Variants in DMPK observed in about 807,000 individuals in gnomAD.
DMPK encodes myotonin-protein kinase.
A neutral mutation model predicts 70.3 loss-of-function variants in DMPK; 32 were observed. The ratio of observed to expected loss-of-function variants is 0.46; its 90% CI spans 0.34 to 0.61. DMPK has a LOEUF of 0.61. DMPK is among the 20% of genes least tolerant of loss of function. The pLI, the probability that DMPK is intolerant of heterozygous loss-of-function variation, is 0.01. For synonymous variants in DMPK, 469 were observed against 390.9 expected (o/e 1.20, Z -2.36); for missense variants, 899 against 886.0 (o/e 1.01, Z -0.19).
rs1969841956 is a variant in DMPK, at chr19:45,777,555, G to C, written c.918C>G (p.Val306=). The change falls in exon 8 of 15, where the codon GTC becomes GTG. Residue 306 remains valine, a synonymous_variant. Transcript: ENST00000291270. This position sits in a 1 kb window ranked among gnomAD's most constrained non-coding sequence, Gnocchi z 6.7. ...HLSLPLVDEG[V]PEEARDFIQR... ...GAATGAAGTCTCGAGCCTCCTCAGG[G>C]ACCCCTTCGTCCACCAGCGGCAGAG... The C allele has an allele frequency of 6.2e-7, 1 of 1,613,666 alleles. No individual in the cohort carries two copies. Among genetic ancestry groups the C allele is most frequent in the African/African-American group, 1.3e-5 (1 of 75,052 alleles).
rs574906809 is a variant in DMPK, at chr19:45,771,986, G to C, written c.1345-58C>G. On this transcript the variant is annotated intron_variant, in intron 10 of 14. Transcript: ENST00000291270. ...TGGCTCCTGGAAGACTCAGGACTTGGGCACTGGTTCCAGGCTAGGAATCCT... is the reference window on the plus strand; with the variant it reads ...TGGCTCCTGGAAGACTCAGGACTTGCGCACTGGTTCCAGGCTAGGAATCCT... 3.0e-5 allele frequency: 44 copies of C among 1,490,722 alleles called. No homozygotes were observed. In the Admixed American group the frequency reaches 4.9e-4, roughly 17 times the overall value. The allele number at this position is 1,490,722 out of a possible 1,614,324, so 92.3% of individuals were successfully genotyped here.
At position 45,771,685 on chromosome 19, in the gene DMPK, G is replaced by T. The variant is rs144064078; in HGVS notation, c.1503-20C>A. 5.7e-4 allele frequency: 925 copies of T among 1,613,606 alleles called. 7 individuals carry two copies. The African/African-American group carries it at 0.011, about 20-fold the overall frequency. Reference sequence around the variant, plus strand: ...AGTTGACTGTGGGGAGGTAAGGACGGTGAGTCCGTCCGGGCCGGACGAGAG... The same window carrying T: ...AGTTGACTGTGGGGAGGTAAGGACGTTGAGTCCGTCCGGGCCGGACGAGAG... On this transcript the variant is annotated intron_variant, in intron 11 of 14. Coordinates refer to ENST00000291270, the MANE Select transcript of DMPK (RefSeq NM_004409.5).
rs775118554 is a variant in DMPK, at chr19:45,779,759, C to T, written c.252+19G>A. 7.8e-6 allele frequency: 12 copies of T among 1,543,492 alleles called. No homozygotes were observed. Among genetic ancestry groups the T allele is most frequent in the African/African-American group, 1.4e-5 (1 of 72,870 alleles). ...CGCCCACCACGAGTCAAGTCAGGCTCCCGCCCGGTTCGGCTTACCTCGCTG... is the reference window on the plus strand; with the variant it reads ...CGCCCACCACGAGTCAAGTCAGGCTTCCGCCCGGTTCGGCTTACCTCGCTG... On this transcript the variant is annotated intron_variant, in intron 2 of 14. Transcript: ENST00000291270.
rs770809944 is a variant in DMPK at position 45,770,603 on chromosome 19, A to C, written c.1775T>G (p.Leu592Arg). The C allele has an allele frequency of 3.5e-5, 55 of 1,552,792 alleles. No homozygotes were observed. Among genetic ancestry groups the C allele is most frequent in the Admixed American group, 2.0e-4 (10 of 51,182 alleles). The change falls in exon 15 of 15, where the codon CTC becomes CGC. Residue 592 changes from leucine (L) to arginine (R), a missense_variant. Transcript: ENST00000291270. ...RPGLSEALSL[L>R]LFAVVLSRAA... is the part of the protein sequence containing the mutation. ...ACGAGACAGAACAACGGCGAACAGG[A>C]GCAGGGAAAGCGCCTCCGATAGGCC... is the stretch of plus-strand genomic sequence containing the variant.
chr19:45,779,098 G>A (rs1969956972), intron 4 of DMPK, 166 bp downstream of exon 4: 1 of 686,478 alleles, frequency 1.5e-6, no homozygotes. Flanking sequence ...GTCTCAGATA[G>A]GGAAGGCCCC....
chr19:45,770,176 C>T lies in DMPK; in HGVS notation c.*312G>A. The T allele has an allele frequency of 2.5e-6, 2 of 787,270 alleles. No individual in the cohort carries two copies. The highest frequency in any genetic ancestry group is 2.9e-5 in the East Asian group (1 of 34,830). The allele number at this position is 787,270 out of a possible 1,614,324, so 48.8% of individuals were successfully genotyped here. ...ATCCACGTCAGGGCCTCAGCCTGGC[C>T]GAAAGAAAGAAATGGTCTGTGATCC... is the stretch of plus-strand genomic sequence containing the variant. On this transcript the variant is annotated 3_prime_UTR_variant, in exon 15 of 15. Coordinates refer to ENST00000291270, the MANE Select transcript of DMPK (RefSeq NM_004409.5).
In DMPK at chr19:45,777,009, G is replaced by T. The variant is rs1429090919; in HGVS notation, c.1146+318C>A. ...CCTCTCCTGCTTCTCATCCCTCCAA[G>T]TCTCAGCTCAGATAGCTCCCCACTC... On this transcript the variant is annotated intron_variant, in intron 8 of 14. Coordinates refer to ENST00000291270, the MANE Select transcript of DMPK (RefSeq NM_004409.5). This position sits in a 1 kb window ranked among gnomAD's most constrained non-coding sequence, Gnocchi z 6.7. 6.3e-6 allele frequency: 2 copies of T among 317,710 alleles called. No individual in the cohort carries two copies. Among genetic ancestry groups the T allele is most frequent in the Non-Finnish European group, 1.2e-5 (2 of 172,056 alleles). The allele number at this position is 317,710 out of a possible 1,614,324, so 19.7% of individuals were successfully genotyped here.
Position 45,777,632 on chromosome 19 carries a change from C to CGGGAGA in DMPK, c.882+29_882+34dup. On this transcript the variant is annotated intron_variant, in intron 7 of 14. Coordinates refer to ENST00000291270, the MANE Select transcript of DMPK (RefSeq NM_004409.5). The surrounding 1 kb of genome is among the most constrained non-coding windows in gnomAD (Gnocchi z 6.7). ...GAGGCGATAGCCTGGGAGCGCCTAC[C>CGGGAGA]GGGAGAGGCCAGGTCTCCCTGCGGC... The CGGGAGA allele has an allele frequency of 6.2e-7, 1 of 1,613,276 alleles. No homozygotes were observed. Among genetic ancestry groups the CGGGAGA allele is most frequent in the Non-Finnish European group, 8.5e-7 (1 of 1,179,656 alleles).
At position 45,769,865 on chromosome 19, in the gene DMPK, T is replaced by G; in HGVS notation, c.*623A>C. 2 of 233,228 alleles carry G rather than the reference T, an allele frequency of 8.6e-6. No individual in the cohort carries two copies. The highest frequency in any genetic ancestry group is 1.7e-5 in the Non-Finnish European group (2 of 115,988). 14.4% of individuals were successfully genotyped at this position (233,228 alleles called of 1,614,324 possible). ...GGGGGTCCTGTAGCCTGTCAGCGAG[T>G]CGGAGGACGAGGTCAATAAATATCC... On this transcript the variant is annotated 3_prime_UTR_variant, in exon 15 of 15. Coordinates refer to ENST00000291270, the MANE Select transcript of DMPK (RefSeq NM_004409.5).
chr19:45,778,564 C>A lies in DMPK; in HGVS notation c.510G>T (p.Glu170Asp). The A allele has an allele frequency of 1.9e-6, 3 of 1,614,032 alleles. No individual in the cohort carries two copies. The South Asian group carries it at 3.3e-5, about 18-fold the overall frequency. Residue 170 changes from glutamate (E) to aspartate (D), a missense_variant, in exon 5 of 15, where the codon GAG becomes GAT. Coordinates refer to ENST00000291270, the MANE Select transcript of DMPK (RefSeq NM_004409.5). ...LSKFGERIPA[E>D]MARFYLAEIV... is the part of the protein sequence containing the mutation. ...TCTCCGCCAGGTAGAAGCGCGCCATCTCGGCCGGAATCCGCTCCCCAAACT... is the reference window on the plus strand; with the variant it reads ...TCTCCGCCAGGTAGAAGCGCGCCATATCGGCCGGAATCCGCTCCCCAAACT...
rs769239379 is a variant in DMPK at position 45,777,540 on chromosome 19, T to C, written c.933A>G (p.Arg311=). 1.9e-6 allele frequency: 3 copies of C among 1,613,540 alleles called. No homozygotes were observed. Among genetic ancestry groups the C allele is most frequent in the Non-Finnish European group, 2.5e-6 (3 of 1,179,996 alleles). The change falls in exon 8 of 15, where the codon CGA becomes CGG. Residue 311 remains arginine, a synonymous_variant. Transcript: ENST00000291270. This position sits in a 1 kb window ranked among gnomAD's most constrained non-coding sequence, Gnocchi z 6.7. ...LVDEGVPEEA[R]DFIQRLLCPP... ...GACACAGCAACCGCTGAATGAAGTCTCGAGCCTCCTCAGGGACCCCTTCGT... is the reference window on the plus strand; with the variant it reads ...GACACAGCAACCGCTGAATGAAGTCCCGAGCCTCCTCAGGGACCCCTTCGT...
intron 1 of DMPK, chr19:45,780,072 C>A: frequency 6.6e-7 from 1 of 1,509,922 alleles, no homozygotes; most frequent in Non-Finnish European, 8.9e-7. Flanking sequence ...AGGTGAGATG[C>A]CTGAGAAGCC....
chr19:45,778,293 G>A (rs1013028559), intron 5 of DMPK, 73 bp from the exon 6 acceptor site: 43 of 1,468,056 alleles, frequency 2.9e-5, no homozygotes, highest in Admixed American at 5.7e-5. Context: ...CCGCCCCTCC[G>A]GGCAGTGCCA....
intron 1 of DMPK, among the ~76,000 whole-genome samples, chr19:45,781,729 G>A (rs1036882316): frequency 4.6e-5 from 7 of 152,178 alleles, no homozygotes; most frequent in African/African-American, 1.4e-4. Context: ...GGCTGGCGCC[G>A]AACACCTGCC....
In DMPK at chr19:45,777,957, A is replaced by T; in HGVS notation, c.676-84T>A. 1 of 1,358,832 alleles carries T rather than the reference A, an allele frequency of 7.4e-7. No homozygotes were observed. The highest frequency in any genetic ancestry group is 2.4e-5 in the East Asian group (1 of 42,404). 84.2% of individuals were successfully genotyped at this position (1,358,832 alleles called of 1,614,324 possible). A position where few individuals can be genotyped will look rare whatever the true frequency, so the allele number is the denominator to read the frequency against. ...GGCCCTCCTTCCAACCACTCCCCAA[A>T]TGCTTAGCCCCTCCCTCTGCCTGGT... On this transcript the variant is annotated intron_variant, in intron 6 of 14. Transcript: ENST00000291270. The surrounding 1 kb of genome is among the most constrained non-coding windows in gnomAD (Gnocchi z 6.7).
In DMPK at chr19:45,778,766, G is replaced by T. The variant is rs894635300; in HGVS notation, c.433-125C>A. The T allele has an allele frequency of 4.9e-6, 5 of 1,021,660 alleles. No individual in the cohort carries two copies. In the African/African-American group the frequency reaches 8.1e-5, roughly 17 times the overall value. The allele number at this position is 1,021,660 out of a possible 1,614,324, so 63.3% of individuals were successfully genotyped here. A position where few individuals can be genotyped will look rare whatever the true frequency, so the allele number is the denominator to read the frequency against. On this transcript the variant is annotated intron_variant, in intron 4 of 14. Coordinates refer to ENST00000291270, the MANE Select transcript of DMPK (RefSeq NM_004409.5). ...CAGAGACCTGCAGCCCCAGCCCAGA[G>T]ATAACCATAGAGATCTGCCGGGCCA... is the stretch of plus-strand genomic sequence containing the variant.
In DMPK at chr19:45,777,730, A is replaced by G. The variant is rs765166457; in HGVS notation, c.819T>C (p.Tyr273=). The G allele has an allele frequency of 1.2e-5, 19 of 1,613,766 alleles. No homozygotes were observed. The highest frequency in any genetic ancestry group is 2.2e-5 in the South Asian group (2 of 91,090). Residue 273 remains tyrosine, a synonymous_variant, in exon 7 of 15, where the codon TAT becomes TAC. Transcript: ENST00000291270. This position sits in a 1 kb window ranked among gnomAD's most constrained non-coding sequence, Gnocchi z 6.7. ...ALGVFAYEMF[Y]GQTPFYADST... is the part of the protein sequence containing the mutation. ...AATCCGCGTAGAAGGGCGTCTGCCC[A>G]TAGAACATTTCATAGGCGAATACAC...
intron 1 of DMPK, chr19:45,780,235 A>C: frequency 1.3e-6 from 2 of 1,483,260 alleles, no homozygotes; most frequent in South Asian, 2.8e-5. Flanking sequence ...ACTCCAGGTG[A>C]CAGTTCAGGT....
In DMPK at chr19:45,770,470, C is replaced by G. The variant is rs1437254982; in HGVS notation, c.*18G>C. ...CAGTCTTCCAACGGGGCCCCGGAGT[C>G]GAAGACAGTTCTAGGGTTCAGGGAG... On this transcript the variant is annotated 3_prime_UTR_variant, in exon 15 of 15. Coordinates refer to ENST00000291270, the MANE Select transcript of DMPK (RefSeq NM_004409.5). 5.8e-6 allele frequency: 9 copies of G among 1,549,714 alleles called. No individual in the cohort carries two copies. The highest frequency in any genetic ancestry group is 7.8e-6 in the Non-Finnish European group (9 of 1,146,762).
Sources: allele counts gnomAD v4.1 joint callset (sites outside exome capture counted in the v4.1 genomes callset), GRCh38; gene constraint gnomAD v4.1.1; non-coding constraint Gnocchi (gnomAD v3.1); transcripts MANE v1.5; gene names NCBI Gene and HGNC (gene_info 2026-07-23, HGNC 2026-07-21).